The following MBD5 variants were observed in gnomAD, a reference collection of about 807,000 sequenced individuals.
MBD5 encodes the protein methyl-CpG binding domain protein 5, also known as methyl-CpG-binding domain protein 5.
Under a neutral mutation model 117.3 loss-of-function variants are expected in MBD5, and 13 were observed. That is an observed-to-expected ratio of 0.11 (90% CI 0.07 to 0.18). MBD5 has a LOEUF of 0.18. MBD5 is among the 10% of genes least tolerant of loss of function. The pLI, the probability that MBD5 is intolerant of heterozygous loss-of-function variation, is 1.00. For missense variants in MBD5, 1,879 were observed against 2,093.8 expected (o/e 0.90, Z 2.00); for synonymous variants, 727 against 766.4 (o/e 0.95, Z 0.85).
intron 1 of MBD5, among the ~76,000 whole-genome samples, chr2:148,093,069 G>A (rs1352875586): frequency 4.0e-5 from 6 of 151,834 alleles, no homozygotes; most frequent in Admixed American, 2.0e-4. Context: ...ATGCCACCAC[G>A]GCCAGCTGAT....
At chr2:148,185,628 G>A (rs921868584) in intron 2 of MBD5, among the ~76,000 whole-genome samples, 19 of 152,180 alleles carry the variant, frequency 1.2e-4, no homozygotes, top group Admixed American at 2.6e-4. Context: ...ATGCTCAGGT[G>A]TGGTGGCTCA....
intron 1 of MBD5, among the ~76,000 whole-genome samples, chr2:148,050,644 A>T (rs1037955073): frequency 2.0e-5 from 3 of 152,132 alleles, no homozygotes; most frequent in Admixed American, 6.5e-5. Flanking sequence ...GAAAATTTAC[A>T]TTATATCTTG....
chr2:148,476,345 A>G (rs1425460155), intron 8 of MBD5, among the ~76,000 whole-genome samples: 2 of 152,222 alleles, frequency 1.3e-5, no homozygotes, highest in Non-Finnish European at 2.9e-5. Context: ...ATTACAGTCC[A>G]TTAGACATAC....
At chr2:148,104,612 T>G (rs1425462179) in intron 1 of MBD5, among the ~76,000 whole-genome samples, 1 of 152,186 alleles carries the variant, frequency 6.6e-6, no homozygotes, top group Non-Finnish European at 1.5e-5. Flanking sequence ...ATTCTCGATT[T>G]GCAGTTGTAT....
chr2:148,477,542 A>G (rs546639549), intron 8 of MBD5, among the ~76,000 whole-genome samples: 1 of 152,236 alleles, frequency 6.6e-6, no homozygotes, highest in South Asian at 2.1e-4. Context: ...TTGAGAAAAT[A>G]AAGTCTCGTA....
chr2:148,139,381 T>C (rs967984575), intron 1 of MBD5, among the ~76,000 whole-genome samples: 3 of 152,120 alleles, frequency 2.0e-5, no homozygotes, highest in African/African-American at 7.2e-5. Context: ...TAATTTTGTA[T>C]TTTTAGTAGA....
At chr2:148,360,286 A>AT (rs2105297699) in intron 4 of MBD5, among the ~76,000 whole-genome samples, 1 of 152,182 alleles carries the variant, frequency 6.6e-6, no homozygotes, top group East Asian at 1.9e-4. Flanking sequence ...CTACTGCTGG[A>AT]TTTTTCCCTA....
intron 1 of MBD5, among the ~76,000 whole-genome samples, chr2:148,091,763 C>T (rs1055428409): frequency 2.0e-5 from 3 of 151,990 alleles, no homozygotes; most frequent in African/African-American, 4.8e-5. Flanking sequence ...GAGTTGATGA[C>T]CAAGAACCCA....
At chr2:148,032,129 G>T (rs1360783364) in intron 1 of MBD5, among the ~76,000 whole-genome samples, 1 of 151,942 alleles carries the variant, frequency 6.6e-6, no homozygotes, top group Non-Finnish European at 1.5e-5. Flanking sequence ...GGTGGTTATT[G>T]TTGACTCAGT....
intron 3 of MBD5, among the ~76,000 whole-genome samples, chr2:148,307,887 T>C (rs915138704): frequency 2.6e-5 from 4 of 151,568 alleles, no homozygotes; most frequent in Non-Finnish European, 5.9e-5. Context: ...TGAGAACATG[T>C]GGTGTTTGGT....
chr2:148,031,153 T>C (rs917899144), intron 1 of MBD5, among the ~76,000 whole-genome samples: 4 of 152,136 alleles, frequency 2.6e-5, no homozygotes, highest in Non-Finnish European at 5.9e-5. Context: ...AAAATACAGA[T>C]AGTATAATCA....
intron 3 of MBD5, among the ~76,000 whole-genome samples, chr2:148,260,421 G>A (rs917254452): frequency 1.8e-4 from 28 of 152,178 alleles, no homozygotes; most frequent in African/African-American, 6.5e-4. Context: ...GAGATCTCTT[G>A]CTCGTTCCAC....
intron 1 of MBD5, among the ~76,000 whole-genome samples, chr2:148,079,064 T>C (rs1695577849): frequency 6.6e-6 from 1 of 152,208 alleles, no homozygotes; most frequent in South Asian, 2.1e-4. Context: ...CTTTATAGCT[T>C]CCCTGTCTTT....
In MBD5 at chr2:148,398,582, G is replaced by T. The variant is rs577964700; in HGVS notation, c.-557+56246G>T. 3.2e-3 allele frequency among the ~76,000 whole-genome samples: 492 copies of T among 152,100 alleles called. 2 individuals carry two copies. The highest frequency in any genetic ancestry group is 8.5e-3 in the East Asian group (44 of 5,164). ...TTGTCAGATGAGTAGATTGCAAAAA[G>T]TTTCTCCCATTCTGTAGGTTGCCTG... is the stretch of plus-strand genomic sequence containing the variant. On this transcript the variant is annotated intron_variant, in intron 4 of 13. Coordinates refer to ENST00000642680, the MANE Select transcript of MBD5 (RefSeq NM_001378120.1).
chr2:148,286,278 A>G (rs180967601), intron 3 of MBD5, among the ~76,000 whole-genome samples: 83 of 152,252 alleles, frequency 5.5e-4, no homozygotes, highest in Non-Finnish European at 9.1e-4. Flanking sequence ...TATGTTTATT[A>G]TTTCATATTC....
At chr2:148,454,397 A>G (rs937712750) in intron 4 of MBD5, among the ~76,000 whole-genome samples, 8 of 152,220 alleles carry the variant, frequency 5.3e-5, no homozygotes, top group African/African-American at 1.9e-4. Context: ...GGAATCCTAT[A>G]TCTGCAACAG....
intron 3 of MBD5, among the ~76,000 whole-genome samples, chr2:148,257,774 T>C (rs1212372516): frequency 6.6e-6 from 1 of 152,230 alleles, no homozygotes; most frequent in Non-Finnish European, 1.5e-5. Context: ...CATTGTTGCC[T>C]GTCCCATGTG....
intron 3 of MBD5, among the ~76,000 whole-genome samples, chr2:148,302,281 C>A (rs961440359): frequency 6.6e-6 from 1 of 152,116 alleles, no homozygotes; most frequent in Non-Finnish European, 1.5e-5. Flanking sequence ...GTGTTAAGTT[C>A]TGTATTATTG....
At chr2:148,035,847 A>G (rs1187716490) in intron 1 of MBD5, among the ~76,000 whole-genome samples, 4 of 152,170 alleles carry the variant, frequency 2.6e-5, no homozygotes. Context: ...TAGTGAGTTT[A>G]GATATAATCA....
Sources: allele counts gnomAD v4.1 joint callset (sites outside exome capture counted in the v4.1 genomes callset), GRCh38; gene constraint gnomAD v4.1.1; transcripts MANE v1.5; gene names NCBI Gene and HGNC (gene_info 2026-07-23, HGNC 2026-07-21).